INSL6: variants seen among roughly 807,000 people sequenced by gnomAD.
INSL6 encodes insulin like 6.
Under a neutral mutation model 9.4 loss-of-function variants are expected in INSL6, and 16 were observed. That is an observed-to-expected ratio of 1.70 (90% confidence interval 1.15 to 2.59). The LOEUF (loss-of-function observed/expected upper bound fraction) is 2.59, where lower values mean the gene tolerates loss of function less well. Ranked by LOEUF, INSL6 falls within the 30% of genes most tolerant of loss-of-function variation. The pLI, the probability that INSL6 is intolerant of heterozygous loss-of-function variation, is 0.00. For missense variants in INSL6, 391 were observed against 257.3 expected, an observed-to-expected ratio of 1.52 and a Z score of -3.56; for synonymous variants, 154 against 96.9, an observed-to-expected ratio of 1.59 and a Z score of -3.46.
At chr9:5,051,401 G>A in the INSL6 span, among the ~76,000 whole-genome samples, 1 of 152,052 alleles carries the variant, frequency 6.6e-6, no homozygotes, top group Non-Finnish European at 1.5e-5. Flanking sequence ...CCAAATGGTG[G>A]TGTATATTTT....
At chr9:4,999,393 T>C in the INSL6 span, among the ~76,000 whole-genome samples, 1 of 152,194 alleles carries the variant, frequency 6.6e-6, no homozygotes, top group South Asian at 2.1e-4. Context: ...CAAATGTCTC[T>C]TCATATAAAA....
the INSL6 span, chr9:5,029,748 AC>A: frequency 6.3e-7 from 1 of 1,575,688 alleles, no homozygotes; most frequent in Admixed American, 1.8e-5. Flanking sequence ...TCTGTTGTGT[AC>A]CTTTAATAAT....
chr9:5,173,207 G>C (rs772713077), intron 1 of INSL6, among the ~76,000 whole-genome samples: 1 of 152,128 alleles, frequency 6.6e-6, no homozygotes, highest in Non-Finnish European at 1.5e-5. Flanking sequence ...AAGACAGTGT[G>C]GTGATTCCTC....
At chr9:5,145,349 T>C (rs1564039817) in intron 2 of INSL6, among the ~76,000 whole-genome samples, 1 of 152,206 alleles carries the variant, frequency 6.6e-6, no homozygotes, top group African/African-American at 2.4e-5. Flanking sequence ...CAGACTTCCC[T>C]TTATAGGTGA....
At chr9:5,036,458 G>T in the INSL6 span, among the ~76,000 whole-genome samples, 2 of 151,810 alleles carry the variant, frequency 1.3e-5, no homozygotes, top group Non-Finnish European at 2.9e-5. Context: ...GAGGCATCAC[G>T]CTACCTGACT....
chr9:5,113,252 A>G, the INSL6 span, among the ~76,000 whole-genome samples: 1 of 144,942 alleles, frequency 6.9e-6, no homozygotes, highest in Non-Finnish European at 1.5e-5. Flanking sequence ...AAGCAACAAA[A>G]CATACACTTT....
At chr9:5,069,187 T>C in the INSL6 span, 1 of 1,607,156 alleles carries the variant, frequency 6.2e-7, no homozygotes, top group Non-Finnish European at 8.5e-7. Flanking sequence ...GTTTACTAAA[T>C]GCTGTCCCCC....
At chr9:5,022,676 T>C in the INSL6 span, among the ~76,000 whole-genome samples, 1 of 152,234 alleles carries the variant, frequency 6.6e-6, no homozygotes, top group Non-Finnish European at 1.5e-5. Flanking sequence ...CTTATGTCTT[T>C]GGTGTATCTT....
chr9:5,021,892 C>G, the INSL6 span: 1 of 872,964 alleles, frequency 1.1e-6, no homozygotes, highest in African/African-American at 1.7e-5. Flanking sequence ...CTCGGCCCCG[C>G]AAAGTGCTAG....
chr9:5,024,608 A>T, the INSL6 span, among the ~76,000 whole-genome samples: 1 of 152,052 alleles, frequency 6.6e-6, no homozygotes, highest in Non-Finnish European at 1.5e-5. Context: ...CAGTGCTGTC[A>T]TTTCCCAAAT....
chr9:5,090,588 TA>T, the INSL6 span: 6 of 1,553,356 alleles, frequency 3.9e-6, no homozygotes, highest in Non-Finnish European at 8.7e-7. Context: ...ATATCCTGAT[TA>T]TTTGCTGTAG....
At chr9:5,172,654 T>C (rs892001401) in intron 1 of INSL6, among the ~76,000 whole-genome samples, 3 of 152,074 alleles carry the variant, frequency 2.0e-5, no homozygotes, top group Non-Finnish European at 4.4e-5. Flanking sequence ...CCAGGCCAGG[T>C]GCAGTGGCTC....
intron 3 of INSL6, chr9:5,127,886 G>GTAAA (rs1824100868): frequency 4.3e-6 from 1 of 232,316 alleles, no homozygotes; most frequent in East Asian, 6.0e-5. Context: ...GGGAAATGAG[G>GTAAA]TAAATAAGTA....
the INSL6 span, chr9:5,089,715 A>G: frequency 7.1e-6 from 11 of 1,547,712 alleles, no homozygotes; most frequent in African/African-American, 1.4e-5. Flanking sequence ...ATGACCCTCT[A>G]CAGGACAACA....
At chr9:5,007,874 C>T in the INSL6 span, among the ~76,000 whole-genome samples, 5 of 151,866 alleles carry the variant, frequency 3.3e-5, no homozygotes, top group East Asian at 1.9e-4. Context: ...ATTACAGGCA[C>T]GTGCCACCAC....
At chr9:4,993,131 G>A in the INSL6 span, among the ~76,000 whole-genome samples, 2 of 152,128 alleles carry the variant, frequency 1.3e-5, no homozygotes, top group African/African-American at 2.4e-5. Context: ...CTTCCTGTGT[G>A]TAAGTTTATA....
chr9:5,007,858 G>C, the INSL6 span, among the ~76,000 whole-genome samples: 1 of 151,932 alleles, frequency 6.6e-6, no homozygotes, highest in Non-Finnish European at 1.5e-5. Context: ...CTCCCAAGTA[G>C]CTGGGATTAC....
chr9:5,057,888 TTTCTTA>T, the INSL6 span, among the ~76,000 whole-genome samples: 2 of 152,086 alleles, frequency 1.3e-5, no homozygotes, highest in Admixed American at 1.3e-4. Context: ...GCCCCTCTAC[TTTCTTA>T]TTCTATGAAT....
the INSL6 span, among the ~76,000 whole-genome samples, chr9:5,049,791 T>G: frequency 6.6e-6 from 1 of 152,250 alleles, no homozygotes; most frequent in Admixed American, 6.5e-5. Flanking sequence ...TGTTATAGCC[T>G]AGTATATGCC....
Sources: allele counts gnomAD v4.1 joint callset (sites outside exome capture counted in the v4.1 genomes callset), GRCh38; gene constraint gnomAD v4.1.1; transcripts MANE v1.5; gene names NCBI Gene and HGNC (gene_info 2026-07-23, HGNC 2026-07-21).